STON2: variants seen among roughly 807,000 people sequenced by gnomAD.
STON2 encodes stonin-2.
A neutral mutation model predicts 65.7 loss-of-function variants in STON2; 29 were observed. That is an observed-to-expected ratio of 0.44 (90% confidence interval 0.33 to 0.60). The LOEUF is 0.60. Among genes scored for constraint, STON2 ranks in the 20% least tolerant of loss-of-function variants. STON2 has a pLI of 0.03. For missense variants in STON2, 1,054 were observed against 1,118.1 expected (o/e 0.94, Z 0.82); for synonymous variants, 404 against 414.2 (o/e 0.98, Z 0.30).
At position 81,414,337 on chromosome 14, in the gene STON2, T is replaced by C. The variant is rs1475069919; in HGVS notation, c.-199+12765A>G. ...ATCAGACAGAAGGGATCCAGTTACC[T>C]AGGGAGAAGCCGTAGCAAAAGAAAA... On this transcript the variant is annotated intron_variant, in intron 2 of 8. Coordinates refer to the STON2 transcript ENST00000553821. Among the ~76,000 whole-genome samples, 3 of 152,208 alleles carry C rather than the reference T, an allele frequency of 2.0e-5. No homozygotes were observed. The East Asian group carries it at 5.8e-4, about 29-fold the overall frequency.
chr14:81,349,396 A>C (rs72701745), intron 4 of STON2, among the ~76,000 whole-genome samples: 4,826 of 152,266 alleles, frequency 0.032, 125 homozygotes, highest in South Asian at 0.076. Context: ...AAATGCAGAA[A>C]ACCAAATTTC....
At position 81,385,134 on chromosome 14, in the gene STON2, A is replaced by G. The variant is rs74404478; in HGVS notation, c.373+10760T>C. On this transcript the variant is annotated intron_variant, in intron 3 of 7. Transcript: ENST00000614646. ...TTTTTCTGCATGAATGAACTAGTTAATTGATGCATGCTTGGGTGGTTTATT... is the reference window on the plus strand; with the variant it reads ...TTTTTCTGCATGAATGAACTAGTTAGTTGATGCATGCTTGGGTGGTTTATT... Among the ~76,000 whole-genome samples the G allele has an allele frequency of 4.7e-4, 71 of 152,332 alleles. No homozygotes were observed. In the East Asian group the frequency reaches 0.013, roughly 28 times the overall value.
chr14:81,426,221 A>T (rs1901966635), intron 2 of STON2, among the ~76,000 whole-genome samples: 1 of 152,236 alleles, frequency 6.6e-6, no homozygotes, highest in Admixed American at 6.5e-5. Context: ...ATCCGACCCT[A>T]GTCTTAACTC....
At chr14:81,357,415 G>A (rs1173986357) in intron 4 of STON2, among the ~76,000 whole-genome samples, 3 of 152,010 alleles carry the variant, frequency 2.0e-5, no homozygotes, top group African/African-American at 7.2e-5. Flanking sequence ...TGCTGGAGAG[G>A]ATGTGGAGAA....
chr14:81,312,440 G>A (rs1896461661), intron 5 of STON2, among the ~76,000 whole-genome samples: 1 of 152,192 alleles, frequency 6.6e-6, no homozygotes, highest in Non-Finnish European at 1.5e-5. Flanking sequence ...CTTCTTGAAG[G>A]TGGAGAGCTT....
chr14:81,304,974 A>C (rs1382220654), intron 5 of STON2, among the ~76,000 whole-genome samples: 4 of 152,016 alleles, frequency 2.6e-5, no homozygotes, highest in African/African-American at 9.7e-5. Flanking sequence ...ATCACTAACT[A>C]CCTCTTCCCC....
At chr14:81,378,684 G>A (rs774154939) in intron 3 of STON2, among the ~76,000 whole-genome samples, 21 of 152,074 alleles carry the variant, frequency 1.4e-4, no homozygotes, top group Non-Finnish European at 2.8e-4. Context: ...TAGCTATTCT[G>A]TATACAACAA....
intron 4 of STON2, among the ~76,000 whole-genome samples, chr14:81,336,383 G>A (rs1897372559): frequency 6.6e-6 from 1 of 152,152 alleles, no homozygotes; most frequent in Admixed American, 6.5e-5. Context: ...TGGCTGCTAA[G>A]TGGGAGAGTG....
chr14:81,344,593 G>A (rs1461567190), intron 4 of STON2, among the ~76,000 whole-genome samples: 3 of 152,050 alleles, frequency 2.0e-5, no homozygotes, highest in African/African-American at 4.8e-5. Flanking sequence ...TATAAACACT[G>A]CAGTACTGTA....
intron 4 of STON2, among the ~76,000 whole-genome samples, chr14:81,325,684 T>C (rs1896981561): frequency 6.6e-6 from 1 of 152,172 alleles, no homozygotes; most frequent in South Asian, 2.1e-4. Flanking sequence ...GATGTGTTAT[T>C]TGGCACTTAA....
chr14:81,434,023 GT>G (rs1339387817), intron 1 of STON2, among the ~76,000 whole-genome samples: 7 of 152,120 alleles, frequency 4.6e-5, no homozygotes, highest in Non-Finnish European at 8.8e-5. Flanking sequence ...CAGCTCAAGT[GT>G]TACCCCTCGG....
chr14:81,307,133 G>A (rs1896214199), intron 5 of STON2, among the ~76,000 whole-genome samples: 1 of 152,192 alleles, frequency 6.6e-6, no homozygotes, highest in Admixed American at 6.5e-5. Flanking sequence ...CACAAGATAT[G>A]AGCACAGGCC....
chr14:81,274,295 T>A (rs1595273302), intron 6 of STON2, among the ~76,000 whole-genome samples: 1 of 152,162 alleles, frequency 6.6e-6, no homozygotes, highest in Admixed American at 6.5e-5. Context: ...AGGATTTAAG[T>A]AAGAAACATC....
At chr14:81,317,025 A>ATATAATAAAAAATTAAAAC (rs1896650602) in intron 5 of STON2, among the ~76,000 whole-genome samples, 1 of 152,202 alleles carries the variant, frequency 6.6e-6, no homozygotes, top group East Asian at 1.9e-4. Context: ...GTCTCAAAAA[A>ATATAATAAAAAATTAAAAC]AAAGAAAAAA....
intron 2 of STON2, among the ~76,000 whole-genome samples, chr14:81,396,935 G>A (rs1900353200): frequency 1.3e-5 from 2 of 152,134 alleles, no homozygotes; most frequent in African/African-American, 4.8e-5. Context: ...GCACATGCCT[G>A]TAATCCCAGC....
chr14:81,347,615 T>TAAAAA (rs55784716), intron 4 of STON2, among the ~76,000 whole-genome samples: 28 of 72,600 alleles, frequency 3.9e-4, no homozygotes, highest in African/African-American at 6.5e-4. Context: ...AAGAAGACAG[T>TAAAAA]AAAAAAAAAA....
rs1471777103 is a variant in STON2, at chr14:81,311,135, G to A, written c.742+12882C>T. Among the ~76,000 whole-genome samples, 4 of 152,230 alleles carry A rather than the reference G, an allele frequency of 2.6e-5. 1 individual carries two copies. The highest frequency in any genetic ancestry group is 9.6e-5 in the African/African-American group (4 of 41,522). On this transcript the variant is annotated intron_variant, in intron 5 of 7. Coordinates refer to ENST00000614646, the MANE Select transcript of STON2 (RefSeq NM_001394390.1). ...AGATGACCACTTCTTGGACAATAGA[G>A]CTGAATTTATATTCTTTTTTGTATT...
At chr14:81,281,003 T>C (rs1303318367) in intron 5 of STON2, among the ~76,000 whole-genome samples, 1 of 133,080 alleles carries the variant, frequency 7.5e-6, no homozygotes, top group African/African-American at 3.0e-5. Flanking sequence ...AGAGCGAAAC[T>C]CCGTCTCAAA....
intron 3 of STON2, among the ~76,000 whole-genome samples, chr14:81,386,965 T>A (rs1899838278): frequency 6.6e-6 from 1 of 152,170 alleles, no homozygotes; most frequent in African/African-American, 2.4e-5. Flanking sequence ...GCTATATTCT[T>A]CCCGGTACCT....
Sources: allele counts gnomAD v4.1 joint callset (sites outside exome capture counted in the v4.1 genomes callset), GRCh38; gene constraint gnomAD v4.1.1; transcripts MANE v1.5; gene names NCBI Gene and HGNC (gene_info 2026-07-23, HGNC 2026-07-21).